FOXN3: variants seen among roughly 807,000 people sequenced by gnomAD.
FOXN3 encodes the protein forkhead box N3, also known as forkhead box protein N3.
Under a neutral mutation model 38.4 loss-of-function variants are expected in FOXN3, and 7 were observed. The ratio of observed to expected loss-of-function variants is 0.18; its 90% confidence interval spans 0.10 to 0.34. FOXN3 has a LOEUF of 0.34. Ranked by LOEUF, FOXN3 falls within the 10% of genes least tolerant of loss-of-function variation. FOXN3 has a pLI of 1.00. For missense variants in FOXN3, 456 were observed against 613.4 expected (o/e 0.74, Z 2.71); for synonymous variants, 230 against 242.2 (o/e 0.95, Z 0.47).
chr14:89,592,271 T>C (rs975281440), intron 1 of FOXN3, among the ~76,000 whole-genome samples: 8 of 152,148 alleles, frequency 5.3e-5, no homozygotes. Context: ...TGAGAGATAA[T>C]TTTTTGGGGG....
Position 89,156,292 on chromosome 14 carries a change from T to C in FOXN3, c.*6122A>G, listed in dbSNP as rs1406002824. The C allele has an allele frequency of 6.6e-6, 1 of 152,632 alleles. No individual in the cohort carries two copies. Among genetic ancestry groups the C allele is most frequent in the Non-Finnish European group, 1.5e-5 (1 of 68,038 alleles). 9.5% of individuals were successfully genotyped at this position (152,632 alleles called of 1,614,324 possible). A position where few individuals can be genotyped will look rare whatever the true frequency, so the allele number is the denominator to read the frequency against. On this transcript the variant is annotated 3_prime_UTR_variant, in exon 6 of 6. Transcript: ENST00000557258. The stretch of plus-strand genomic sequence containing the variant: ...TTATTTACAATAAATGATGAAATAG[T>C]TTGTCTTTGGCAATATGATTACATA...
chr14:89,331,262 T>C (rs964122547), intron 3 of FOXN3, among the ~76,000 whole-genome samples: 3 of 152,212 alleles, frequency 2.0e-5, no homozygotes, highest in Non-Finnish European at 4.4e-5. Flanking sequence ...TCTATGTTAT[T>C]TGTCTATTCT....
intron 1 of FOXN3, among the ~76,000 whole-genome samples, chr14:89,490,705 A>T (rs1346747631): frequency 6.6e-6 from 1 of 152,242 alleles, no homozygotes; most frequent in African/African-American, 2.4e-5. Flanking sequence ...GAAGCATCTG[A>T]AAGTGGCTGA....
chr14:89,281,547 T>C (rs1321019231), intron 3 of FOXN3, among the ~76,000 whole-genome samples: 1 of 152,204 alleles, frequency 6.6e-6, no homozygotes. Context: ...GTTTTCAATT[T>C]TTTGGCTTAA....
chr14:89,162,186 A>G lies in FOXN3; in HGVS notation c.*228T>C. ...GCTTTTGTAAAACAGCTGAGTGTCA[A>G]TATGAGTTCTATGGCTTCAATCTCC... is the stretch of plus-strand genomic sequence containing the variant. On this transcript the variant is annotated 3_prime_UTR_variant, in exon 6 of 6. Coordinates refer to ENST00000557258, the MANE Select transcript of FOXN3 (RefSeq NM_005197.4). This position sits in a 1 kb window ranked among gnomAD's most constrained non-coding sequence, Gnocchi z 7.2. 2.5e-6 allele frequency: 1 copy of G among 393,178 alleles called. No individual in the cohort carries two copies. Among genetic ancestry groups the G allele is most frequent in the South Asian group, 7.1e-5 (1 of 14,142 alleles). The allele number at this position is 393,178 out of a possible 1,614,324, so 24.4% of individuals were successfully genotyped here. A position where few individuals can be genotyped will look rare whatever the true frequency, so the allele number is the denominator to read the frequency against.
intron 4 of FOXN3, among the ~76,000 whole-genome samples, chr14:89,263,088 G>A (rs1001692752): frequency 6.6e-6 from 1 of 152,118 alleles, no homozygotes; most frequent in Non-Finnish European, 1.5e-5. Flanking sequence ...CTAGAAAAAC[G>A]CTTGCTATGA....
intron 2 of FOXN3, among the ~76,000 whole-genome samples, chr14:89,357,803 T>C (rs1889297242): frequency 6.6e-6 from 1 of 152,234 alleles, no homozygotes; most frequent in South Asian, 2.1e-4. Flanking sequence ...GTTCTCATGA[T>C]GATGCAATTG....
chr14:89,284,333 C>T (rs1260852063), intron 3 of FOXN3: 1 of 386,262 alleles, frequency 2.6e-6, no homozygotes, highest in African/African-American at 2.1e-5. Flanking sequence ...TATAGGGAGA[C>T]AGACAGAGGT....
At chr14:89,323,301 A>AGAAAGAAAGAAAG (rs113302027) in intron 3 of FOXN3, among the ~76,000 whole-genome samples, 8 of 142,924 alleles carry the variant, frequency 5.6e-5, no homozygotes, top group African/African-American at 2.1e-4. Context: ...AAAAAAAAAA[A>AGAAAGAAAGAAAG]AAAGAAAGAA....
chr14:89,510,055 G>A (rs531478153), intron 1 of FOXN3, among the ~76,000 whole-genome samples: 1 of 152,322 alleles, frequency 6.6e-6, no homozygotes, highest in South Asian at 2.1e-4. Flanking sequence ...CCACATGGAT[G>A]AGAGGCGGAT....
chr14:89,165,141 G>A (rs140956335), intron 5 of FOXN3, among the ~76,000 whole-genome samples: 41 of 152,300 alleles, frequency 2.7e-4, no homozygotes, highest in Middle Eastern at 6.8e-3. Flanking sequence ...AAGGGTCCCA[G>A]CTTGTGTCCT....
At chr14:89,518,733 A>G (rs1894258868) in intron 1 of FOXN3, among the ~76,000 whole-genome samples, 1 of 152,188 alleles carries the variant, frequency 6.6e-6, no homozygotes, top group African/African-American at 2.4e-5. Context: ...CTTAAAGAAT[A>G]AGTTCTGCTG....
chr14:89,362,810 C>G (rs1173458021), intron 2 of FOXN3, among the ~76,000 whole-genome samples: 1 of 148,212 alleles, frequency 6.7e-6, no homozygotes, highest in African/African-American at 2.5e-5. Flanking sequence ...ACCACCTCCA[C>G]CACCACCACC....
intron 1 of FOXN3, among the ~76,000 whole-genome samples, chr14:89,485,905 CCA>C (rs1893434632): frequency 6.6e-6 from 1 of 152,142 alleles, no homozygotes; most frequent in East Asian, 1.9e-4. Flanking sequence ...GCCAAATGAT[CCA>C]CAGTGACAAA....
At chr14:89,578,793 C>T (rs1895684963) in intron 1 of FOXN3, among the ~76,000 whole-genome samples, 1 of 152,178 alleles carries the variant, frequency 6.6e-6, no homozygotes, top group Non-Finnish European at 1.5e-5. Context: ...GACACTGTCA[C>T]TCCTCTTAAC....
chr14:89,289,549 T>C (rs1886796590), intron 3 of FOXN3, among the ~76,000 whole-genome samples: 1 of 152,216 alleles, frequency 6.6e-6, no homozygotes, highest in African/African-American at 2.4e-5. Context: ...TGCAGAAAAG[T>C]AAGTTTTCAA....
intron 1 of FOXN3, among the ~76,000 whole-genome samples, chr14:89,601,666 G>C (rs1896156714): frequency 6.6e-6 from 1 of 152,142 alleles, no homozygotes; most frequent in Non-Finnish European, 1.5e-5. Flanking sequence ...TCCTCTGCTT[G>C]TTGATATGCT....
At chr14:89,288,362 G>A (rs1375655260) in intron 3 of FOXN3, among the ~76,000 whole-genome samples, 1 of 152,124 alleles carries the variant, frequency 6.6e-6, no homozygotes, top group Non-Finnish European at 1.5e-5. Context: ...TGATTTCAAA[G>A]GTATCAGCCT....
intron 1 of FOXN3, among the ~76,000 whole-genome samples, chr14:89,535,079 C>T (rs1237844752): frequency 3.9e-5 from 6 of 152,182 alleles, no homozygotes; most frequent in Admixed American, 3.3e-4. Context: ...ATTACACTTA[C>T]GCAGTGACTA....
Sources: gnomAD v4.1 joint callset for allele counts (sites outside exome capture counted in the v4.1 genomes callset) on GRCh38, gnomAD v4.1.1 for gene constraint, Gnocchi (gnomAD v3.1) non-coding constraint, MANE v1.5 for transcripts, NCBI Gene and HGNC (gene_info 2026-07-23, HGNC 2026-07-21) for gene names.